GRM7: variants seen among roughly 807,000 people sequenced by gnomAD.
GRM7 encodes the protein metabotropic glutamate receptor 7.
GRM7 carries 35 observed loss-of-function variants against 84.5 expected under a neutral mutation model. The observed-to-expected ratio is 0.41, with a 90% CI of 0.32 to 0.55. The LOEUF is 0.55. Ranked by LOEUF, GRM7 falls within the 20% of genes least tolerant of loss-of-function variation. The pLI, the probability that GRM7 is intolerant of heterozygous loss-of-function variation, is 0.19. For missense variants in GRM7, 1,003 were observed against 1,194.6 expected, an observed-to-expected ratio of 0.84 and a Z score of 2.36; for synonymous variants, 487 against 455.1, an observed-to-expected ratio of 1.07 and a Z score of -0.89.
At chr3:7,236,840 C>T (rs1468974656) in intron 2 of GRM7, among the ~76,000 whole-genome samples, 1 of 152,174 alleles carries the variant, frequency 6.6e-6, no homozygotes, top group African/African-American at 2.4e-5. Context: ...AGCAAAACCA[C>T]CCATGGATTC....
At chr3:7,307,427 T>C (rs1423565389) in intron 4 of GRM7, among the ~76,000 whole-genome samples, 2 of 152,232 alleles carry the variant, frequency 1.3e-5, no homozygotes, top group Non-Finnish European at 2.9e-5. Flanking sequence ...AAAGATTCTC[T>C]AAAACATGCT....
At chr3:7,398,278 A>T (rs142230406) in intron 4 of GRM7, among the ~76,000 whole-genome samples, 2 of 152,216 alleles carry the variant, frequency 1.3e-5, no homozygotes, top group African/African-American at 4.8e-5. Context: ...CGCATGTGGC[A>T]GTGAACAGTT....
At chr3:6,867,749 G>C (rs540505872) in intron 1 of GRM7, among the ~76,000 whole-genome samples, 1 of 152,140 alleles carries the variant, frequency 6.6e-6, no homozygotes, top group East Asian at 1.9e-4. Context: ...GTTAATTAAT[G>C]GACCTTTTGT....
chr3:7,236,957 A>G (rs1341484161), intron 2 of GRM7, among the ~76,000 whole-genome samples: 1 of 152,224 alleles, frequency 6.6e-6, no homozygotes, highest in East Asian at 1.9e-4. Context: ...TTTCTCAGCC[A>G]TCGTGCATAC....
intron 8 of GRM7, among the ~76,000 whole-genome samples, chr3:7,652,109 G>C (rs1319513946): frequency 5.9e-5 from 9 of 152,186 alleles, no homozygotes; most frequent in Admixed American, 5.2e-4. Context: ...CACCAAATCA[G>C]TGAATGGCAG....
chr3:7,142,717 G>T (rs9860654), intron 1 of GRM7, among the ~76,000 whole-genome samples: 1 of 151,992 alleles, frequency 6.6e-6, no homozygotes, highest in Non-Finnish European at 1.5e-5. Flanking sequence ...ACAACAAAAT[G>T]TTGACAGGGA....
At chr3:7,510,913 C>T (rs910775316) in intron 7 of GRM7, among the ~76,000 whole-genome samples, 11 of 152,256 alleles carry the variant, frequency 7.2e-5, no homozygotes, top group African/African-American at 2.6e-4. Flanking sequence ...TGAGAACGCA[C>T]ATCAGAAAAG....
chr3:7,294,325 A>G (rs982863145), intron 2 of GRM7, among the ~76,000 whole-genome samples: 1 of 152,152 alleles, frequency 6.6e-6, no homozygotes, highest in Non-Finnish European at 1.5e-5. Flanking sequence ...GTTGCTGAGA[A>G]GATGGTAAAG....
chr3:7,098,393 C>G (rs1161272574), intron 1 of GRM7, among the ~76,000 whole-genome samples: 1 of 151,884 alleles, frequency 6.6e-6, no homozygotes, highest in East Asian at 1.9e-4. Context: ...TGACACAATT[C>G]CATGGATAAA....
chr3:7,375,949 C>T (rs1288292344), intron 4 of GRM7, among the ~76,000 whole-genome samples: 1 of 152,018 alleles, frequency 6.6e-6, no homozygotes, highest in Non-Finnish European at 1.5e-5. Flanking sequence ...CAACATCTCC[C>T]TGAGAGGAAA....
At chr3:7,476,599 C>T (rs1360362720) in intron 7 of GRM7, among the ~76,000 whole-genome samples, 1 of 152,072 alleles carries the variant, frequency 6.6e-6, no homozygotes, top group Non-Finnish European at 1.5e-5. Flanking sequence ...GTGGCTGATA[C>T]AATAAATATT....
At chr3:7,114,338 C>G (rs1692959304) in intron 1 of GRM7, among the ~76,000 whole-genome samples, 1 of 152,104 alleles carries the variant, frequency 6.6e-6, no homozygotes, top group Admixed American at 6.6e-5. Context: ...ACTTCAAAAC[C>G]TACTTTGTTA....
At chr3:7,478,920 A>G (rs1699028592) in intron 7 of GRM7, among the ~76,000 whole-genome samples, 1 of 152,166 alleles carries the variant, frequency 6.6e-6, no homozygotes, top group Non-Finnish European at 1.5e-5. Flanking sequence ...CAGTGTCCCC[A>G]GAGCACTCTA....
chr3:7,411,937 C>T (rs1186371276), intron 4 of GRM7, among the ~76,000 whole-genome samples: 2 of 151,884 alleles, frequency 1.3e-5, no homozygotes, highest in Non-Finnish European at 2.9e-5. Context: ...CTGTTTCTCA[C>T]CCTAATCAAT....
intron 1 of GRM7, among the ~76,000 whole-genome samples, chr3:6,905,892 T>A (rs1486383056): frequency 6.6e-6 from 1 of 152,204 alleles, no homozygotes; most frequent in Non-Finnish European, 1.5e-5. Flanking sequence ...ATTTAACTAA[T>A]GTAGTCAATC....
At chr3:6,962,340 C>G (rs929442025) in intron 1 of GRM7, among the ~76,000 whole-genome samples, 3 of 152,072 alleles carry the variant, frequency 2.0e-5, no homozygotes, top group African/African-American at 7.2e-5. Context: ...ATTATATCTA[C>G]TGACACTAGA....
chr3:7,069,952 A>T lies in GRM7; in HGVS notation c.520-76500A>T, dbSNP rs185884344. Among the ~76,000 whole-genome samples the T allele has an allele frequency of 1.6e-3, 247 of 152,226 alleles. 2 individuals carry two copies. Among genetic ancestry groups the T allele is most frequent in the Admixed American group, 0.014 (216 of 15,256 alleles). ...AGAGTTGGAGGAGGAATAAATACTGAGGGTGAATCCACCTATTTACTATAT... is the reference window on the plus strand; with the variant it reads ...AGAGTTGGAGGAGGAATAAATACTGTGGGTGAATCCACCTATTTACTATAT... On this transcript the variant is annotated intron_variant, in intron 1 of 9. Transcript: ENST00000357716.
At chr3:7,072,418 A>T (rs1041365379) in intron 1 of GRM7, among the ~76,000 whole-genome samples, 20 of 152,276 alleles carry the variant, frequency 1.3e-4, no homozygotes, top group Admixed American at 9.2e-4. Flanking sequence ...GTTGTGGCTC[A>T]TGCCTGTTAT....
rs185768964 is a variant in GRM7, at chr3:7,163,291, G to A, written c.736+16623G>A. On this transcript the variant is annotated intron_variant, in intron 2 of 9. Transcript: ENST00000357716. ...GGTAGCTAGACAGGGCCCCCCAAAT[G>A]GCATCCAGGGTGTTTGTCTCAGTGA... is the stretch of plus-strand genomic sequence containing the variant. 4.6e-5 allele frequency among the ~76,000 whole-genome samples: 7 copies of A among 152,274 alleles called. No individual in the cohort carries two copies. The East Asian group carries it at 1.4e-3, about 29-fold the overall frequency.
Sources: gnomAD v4.1 joint callset for allele counts (sites outside exome capture counted in the v4.1 genomes callset) on GRCh38, gnomAD v4.1.1 for gene constraint, MANE v1.5 for transcripts, NCBI Gene and HGNC (gene_info 2026-07-23, HGNC 2026-07-21) for gene names.